BACH2: variants seen among roughly 807,000 people sequenced by gnomAD.
The protein encoded by BACH2 is BACH transcriptional regulator 2, also known as transcription regulator protein BACH2.
In BACH2, 5 loss-of-function variants were observed where a neutral mutation model predicts 61.8. That is an observed-to-expected ratio of 0.08 (90% confidence interval 0.04 to 0.17). The LOEUF is 0.17. Among genes scored for constraint, BACH2 ranks in the 10% least tolerant of loss-of-function variants. The pLI is 1.00. For missense variants in BACH2, 824 were observed against 1,091.1 expected, an observed-to-expected ratio of 0.76 and a Z score of 3.45; for synonymous variants, 446 against 440.1, an observed-to-expected ratio of 1.01 and a Z score of -0.17.
intron 1 of BACH2, among the ~76,000 whole-genome samples, chr6:90,275,089 T>C (rs892220802): frequency 2.6e-5 from 4 of 152,262 alleles, no homozygotes; most frequent in African/African-American, 9.6e-5. Flanking sequence ...CTGGATTTTG[T>C]TGATGAATGC....
At chr6:90,105,409 C>T (rs1457836199) in intron 4 of BACH2, among the ~76,000 whole-genome samples, 1 of 152,224 alleles carries the variant, frequency 6.6e-6, no homozygotes, top group Non-Finnish European at 1.5e-5. Flanking sequence ...ACACTTTCAT[C>T]TCTTGTGGTT....
chr6:90,052,849 T>A (rs1466714295), intron 5 of BACH2, among the ~76,000 whole-genome samples: 7 of 152,260 alleles, frequency 4.6e-5, no homozygotes, highest in Non-Finnish European at 8.8e-5. Context: ...TTATATTTTT[T>A]AAAAAATCTT....
chr6:90,032,830 T>C (rs1164180614), intron 5 of BACH2, among the ~76,000 whole-genome samples: 5 of 152,250 alleles, frequency 3.3e-5, no homozygotes. Context: ...CTAGAAATAC[T>C]ATTTGACCCA....
chr6:90,194,306 G>A (rs145763236), intron 4 of BACH2, among the ~76,000 whole-genome samples: 21 of 151,812 alleles, frequency 1.4e-4, no homozygotes, highest in African/African-American at 4.6e-4. Flanking sequence ...ATAAATACTG[G>A]ATACCATTTT....
chr6:90,295,976 C>T (rs1772353966), intron 1 of BACH2, among the ~76,000 whole-genome samples: 2 of 152,150 alleles, frequency 1.3e-5, no homozygotes, highest in African/African-American at 2.4e-5. Flanking sequence ...GCCCGGGATG[C>T]GCACGCCGAG....
chr6:90,178,232 C>T (rs9344992), intron 4 of BACH2, among the ~76,000 whole-genome samples: 15,985 of 152,148 alleles, frequency 0.11, 1,138 homozygotes, highest in East Asian at 0.37. Flanking sequence ...AGCTCTAACA[C>T]TGAATTTCCC....
At chr6:90,102,568 C>A (rs984834014) in intron 4 of BACH2, among the ~76,000 whole-genome samples, 17 of 152,002 alleles carry the variant, frequency 1.1e-4, no homozygotes, top group Admixed American at 5.9e-4. Flanking sequence ...GCTGGTGGAT[C>A]ACTTGAGGTC....
chr6:90,296,576 G>T lies in BACH2; in HGVS notation c.-542C>A, dbSNP rs1377431062. On this transcript the variant is annotated 5_prime_UTR_variant, in exon 1 of 9. Transcript: ENST00000257749. ...GCAGCCGGCGAGGTGGGCAGTTCGT[G>T]GGTCACCGAAAGCTCGCGGAGGGGA... 6.6e-6 allele frequency: 1 copy of T among 151,770 alleles called. No individual in the cohort carries two copies. The highest frequency in any genetic ancestry group is 6.6e-5 in the Admixed American group (1 of 15,230). 9.4% of individuals were successfully genotyped at this position (151,770 alleles called of 1,614,324 possible).
intron 1 of BACH2, 140 bp downstream of exon 1, chr6:90,296,340 T>C (rs1016156139): frequency 2.0e-5 from 3 of 150,394 alleles, no homozygotes; most frequent in South Asian, 2.1e-4. Flanking sequence ...GGAGGGCGGC[T>C]GCGCGCCCGG....
chr6:90,015,525 C>A (rs1203792554), intron 5 of BACH2, among the ~76,000 whole-genome samples: 2 of 152,170 alleles, frequency 1.3e-5, no homozygotes, highest in Admixed American at 1.3e-4. Context: ...TTCCTTAATG[C>A]ACAAATGATT....
intron 6 of BACH2, among the ~76,000 whole-genome samples, chr6:90,004,696 C>G (rs1285970009): frequency 6.6e-6 from 1 of 152,186 alleles, no homozygotes; most frequent in Non-Finnish European, 1.5e-5. Flanking sequence ...TGGCTGGCAT[C>G]CAGCCCGAAA....
rs1466868514 is a variant in BACH2 at position 89,931,933 on chromosome 6, G to GGA, written c.*473_*474dup. Reference sequence around the variant, plus strand: ...TGAGGCATGCAGGACTTTTGCATATGGATATATATATATATATATATATAT... The same window carrying GGA: ...TGAGGCATGCAGGACTTTTGCATATGGAGATATATATATATATATATATATAT... On this transcript the variant is annotated 3_prime_UTR_variant, in exon 9 of 9. Transcript: ENST00000257749. 25 of 26,104 alleles carry GGA rather than the reference G, an allele frequency of 9.6e-4. No individual in the cohort carries two copies. The highest frequency in any genetic ancestry group is 4.3e-3 in the African/African-American group (24 of 5,630). The allele number at this position is 26,104 out of a possible 1,614,324, so 1.6% of individuals were successfully genotyped here. A position where few individuals can be genotyped will look rare whatever the true frequency, so the allele number is the denominator to read the frequency against.
At chr6:90,250,067 T>C (rs1770757757) in intron 3 of BACH2, among the ~76,000 whole-genome samples, 1 of 152,204 alleles carries the variant, frequency 6.6e-6, no homozygotes. Context: ...AGTGGAAAGG[T>C]AGTGTTCCAC....
chr6:89,976,603 G>T (rs1262963288), intron 6 of BACH2, among the ~76,000 whole-genome samples: 1 of 152,164 alleles, frequency 6.6e-6, no homozygotes, highest in Non-Finnish European at 1.5e-5. Context: ...TTGAATGACT[G>T]TTCCTTCAAC....
chr6:90,113,431 A>G (rs1283158881), intron 4 of BACH2, among the ~76,000 whole-genome samples: 7 of 152,230 alleles, frequency 4.6e-5, no homozygotes, highest in East Asian at 3.8e-4. Context: ...AGTCAACACA[A>G]TGAAAACTGC....
chr6:90,015,393 TG>T (rs1778006330), intron 5 of BACH2, among the ~76,000 whole-genome samples: 1 of 152,192 alleles, frequency 6.6e-6, no homozygotes, highest in African/African-American at 2.4e-5. Context: ...AGATCTTTTT[TG>T]TCTTTTCTAA....
intron 4 of BACH2, among the ~76,000 whole-genome samples, chr6:90,107,639 T>C (rs1220594149): frequency 2.6e-5 from 4 of 151,422 alleles, no homozygotes; most frequent in Admixed American, 1.3e-4. Flanking sequence ...TATTGTGTTT[T>C]ATTTCCCACA....
intron 4 of BACH2, among the ~76,000 whole-genome samples, chr6:90,124,749 G>A (rs1196706811): frequency 2.0e-5 from 3 of 152,122 alleles, no homozygotes; most frequent in African/African-American, 7.2e-5. Context: ...CCTTGAGAAA[G>A]TATCTTTCTG....
At chr6:89,939,823 A>ATTT (rs71027914) in intron 7 of BACH2, among the ~76,000 whole-genome samples, 1 of 91,386 alleles carries the variant, frequency 1.1e-5, no homozygotes, top group African/African-American at 4.1e-5. Flanking sequence ...AGTTAATTAA[A>ATTT]TTTTTTTTTT....
Sources: gnomAD v4.1 joint callset for allele counts (sites outside exome capture counted in the v4.1 genomes callset) on GRCh38, gnomAD v4.1.1 for gene constraint, MANE v1.5 for transcripts, NCBI Gene and HGNC (gene_info 2026-07-23, HGNC 2026-07-21) for gene names.